PLEKHG4B: variants seen among roughly 807,000 people sequenced by gnomAD.
PLEKHG4B encodes the protein pleckstrin homology and RhoGEF domain containing G4B.
Under a neutral mutation model 121.3 loss-of-function variants are expected in PLEKHG4B, and 111 were observed. The observed-to-expected ratio is 0.92, with a 90% CI of 0.78 to 1.07. PLEKHG4B has a LOEUF of 1.07. PLEKHG4B is among the 50% of genes least tolerant of loss of function. PLEKHG4B has a pLI of 0.00. For synonymous variants in PLEKHG4B, 738 were observed against 725.0 expected, an observed-to-expected ratio of 1.02 and a Z score of -0.29; for missense variants, 1,831 against 1,757.8, an observed-to-expected ratio of 1.04 and a Z score of -0.74.
intron 16 of PLEKHG4B, 79 bp from the exon 17 acceptor site, chr5:172,817 AT>A: frequency 6.6e-7 from 1 of 1,506,762 alleles, no homozygotes; most frequent in Non-Finnish European, 9.2e-7. Context: ...AAGCTAACAC[AT>A]TTAGACGGAG....
Position 139,885 on chromosome 5 carries a change from G to A in PLEKHG4B, c.646G>A (p.Gly216Ser). 1 of 402,204 alleles carries A rather than the reference G, an allele frequency of 2.5e-6. No individual in the cohort carries two copies. The highest frequency in any genetic ancestry group is 4.4e-6 in the Non-Finnish European group (1 of 228,274). The allele number at this position is 402,204 out of a possible 1,614,324, so 24.9% of individuals were successfully genotyped here. Residue 216 changes from glycine (G) to serine (S), a missense_variant, in exon 3 of 20, where the codon GGT (glycine) becomes AGT (serine). Transcript: ENST00000637938. This position sits in a 1 kb window ranked among gnomAD's most constrained non-coding sequence, Gnocchi z 5.0. The stretch of plus-strand genomic sequence containing the variant: ...CCTGCAGAGCTACTCCAGCTGCACA[G>A]GTCCTGAGCGGCTGCCCAGCAGCCC... Reference protein sequence around the residue: ...AILQSYSSCTGPERLPSSPSE... With the variant: ...AILQSYSSCTSPERLPSSPSE...
Position 163,004 on chromosome 5 carries a change from G to A in PLEKHG4B, c.2932G>A (p.Glu978Lys), listed in dbSNP as rs1736083061. 5 of 1,565,954 alleles carry A rather than the reference G, an allele frequency of 3.2e-6. No homozygotes were observed. The highest frequency in any genetic ancestry group is 1.2e-5 in the South Asian group (1 of 85,360). The change falls in exon 13 of 20, where the codon GAG becomes AAG. Residue 978 changes from glutamate (E) to lysine (K), a missense_variant. Coordinates refer to ENST00000637938, the MANE Select transcript of PLEKHG4B (RefSeq NM_052909.5). ...CCTTGCCCAGAGCCCCCCAAAGCAT[G>A]AGCGTGCCCAGGAGGCCATGAGGAG... ...PPLAQSPPKHERAQEAMRRHQ... is the reference protein window; with the variant it reads ...PPLAQSPPKHKRAQEAMRRHQ...
intron 19 of PLEKHG4B, 121 bp downstream of exon 19, chr5:181,796 C>T (rs1245334432): frequency 2.1e-5 from 30 of 1,403,796 alleles, no homozygotes; most frequent in East Asian, 9.3e-5. Flanking sequence ...CCAGGCCTGT[C>T]GTCAAGGACA....
At chr5:142,384 CAG>C (rs1735237382) in intron 3 of PLEKHG4B, among the ~76,000 whole-genome samples, 1 of 151,720 alleles carries the variant, frequency 6.6e-6, no homozygotes, top group South Asian at 2.1e-4. Context: ...GACACGCACA[CAG>C]AATCACACAA....
chr5:95,810 G>A (rs1733613557), intron 1 of PLEKHG4B, among the ~76,000 whole-genome samples: 1 of 152,070 alleles, frequency 6.6e-6, no homozygotes, highest in South Asian at 2.1e-4. Context: ...TAGTGGAGGG[G>A]ACCACCAACC....
chr5:164,661 C>T lies in PLEKHG4B; in HGVS notation c.3476+1113C>T, dbSNP rs1423594087. Reference sequence around the variant, plus strand: ...CACACTAATGCTCTGACGGGCGGAGCTCACACTAATACTCTGACAGGGGGC... The same window carrying T: ...CACACTAATGCTCTGACGGGCGGAGTTCACACTAATACTCTGACAGGGGGC... On this transcript the variant is annotated intron_variant, in intron 13 of 19. Transcript: ENST00000637938. 2.5e-5 allele frequency among the ~76,000 whole-genome samples: 3 copies of T among 118,164 alleles called. 1 individual carries two copies. Among genetic ancestry groups the T allele is most frequent in the Non-Finnish European group, 5.5e-5 (3 of 54,676 alleles). 77.5% of individuals were successfully genotyped at this position (118,164 alleles called of 152,430 possible).
chr5:155,004 T>G lies in PLEKHG4B; in HGVS notation c.2109+13T>G, dbSNP rs1309544464. On this transcript the variant is annotated intron_variant, in intron 8 of 19. Coordinates refer to ENST00000637938, the MANE Select transcript of PLEKHG4B (RefSeq NM_052909.5). ...CTGCTTCCGTCAGGTAGGTTCAGCC[T>G]GCAGCTGCTGCACATGCGACAGTCT... is the stretch of plus-strand genomic sequence containing the variant. 1 of 1,592,014 alleles carries G rather than the reference T, an allele frequency of 6.3e-7. No homozygotes were observed. The highest frequency in any genetic ancestry group is 8.6e-7 in the Non-Finnish European group (1 of 1,162,564).
chr5:116,962 G>A (rs1049681531), intron 2 of PLEKHG4B, among the ~76,000 whole-genome samples: 1 of 152,200 alleles, frequency 6.6e-6, no homozygotes, highest in African/African-American at 2.4e-5. Context: ...GAGCCCCACT[G>A]CTTTCGCTGC....
At chr5:167,348 G>A (rs908582001) in intron 13 of PLEKHG4B, among the ~76,000 whole-genome samples, 22 of 152,256 alleles carry the variant, frequency 1.4e-4, no homozygotes, top group African/African-American at 5.1e-4. Context: ...TGGGATGTGC[G>A]TTCAGCAGCA....
rs754722765 is a variant in PLEKHG4B at position 163,564 on chromosome 5, C to T, written c.3476+16C>T. 149 of 1,545,536 alleles carry T rather than the reference C, an allele frequency of 9.6e-5. No individual in the cohort carries two copies. The Middle Eastern group carries it at 1.3e-3, about 13-fold the overall frequency. On this transcript the variant is annotated intron_variant, in intron 13 of 19. Coordinates refer to ENST00000637938, the MANE Select transcript of PLEKHG4B (RefSeq NM_052909.5). The stretch of plus-strand genomic sequence containing the variant: ...AGGTGGGCAGGTGAGGTGGACGTCC[C>T]CCTCCTCTCGTCCTAGCAGTCCTTG...
At chr5:102,565 C>T (rs1293677150) in intron 1 of PLEKHG4B, among the ~76,000 whole-genome samples, 1 of 152,168 alleles carries the variant, frequency 6.6e-6, no homozygotes. Flanking sequence ...CCGTCTCTGC[C>T]CGTGCTTCCG....
rs1418715841 is a variant in PLEKHG4B, at chr5:163,206, G to T, written c.3134G>T (p.Gly1045Val). ...CTGTCCCTCCTCAGGGGCCTTCCAG[G>T]GGCAGGGGCCACCACGGCCCACCTG... ...DPLSLLRGLP[G>V]AGATTAHLED... The change falls in exon 13 of 20, where the codon GGG becomes GTG. Residue 1045 changes from glycine (G) to valine (V), a missense_variant. Transcript: ENST00000637938. 6.3e-7 allele frequency: 1 copy of T among 1,592,784 alleles called. No homozygotes were observed. Among genetic ancestry groups the T allele is most frequent in the Admixed American group, 1.7e-5 (1 of 58,196 alleles).
chr5:107,440 C>G (rs564883330), intron 1 of PLEKHG4B, among the ~76,000 whole-genome samples: 1 of 152,302 alleles, frequency 6.6e-6, no homozygotes, highest in Non-Finnish European at 1.5e-5. Context: ...CAGCCCTGGC[C>G]TTCCTAGGAG....
chr5:156,950 C>T lies in PLEKHG4B; in HGVS notation c.2487+39C>T. On this transcript the variant is annotated intron_variant, in intron 11 of 19. Coordinates refer to ENST00000637938, the MANE Select transcript of PLEKHG4B (RefSeq NM_052909.5). The surrounding 1 kb of genome is among the most constrained non-coding windows in gnomAD (Gnocchi z 4.4). Reference sequence around the variant, plus strand: ...GAGGAAGGCGGCCCGGTCAGCATCCCCTCCAGGCCAGGCTGGCCAAGGCAA... The same window carrying T: ...GAGGAAGGCGGCCCGGTCAGCATCCTCTCCAGGCCAGGCTGGCCAAGGCAA... 1 of 1,605,464 alleles carries T rather than the reference C, an allele frequency of 6.2e-7. No individual in the cohort carries two copies. Among genetic ancestry groups the T allele is most frequent in the African/African-American group, 1.3e-5 (1 of 74,892 alleles).
At chr5:162,307 G>A (rs947239407) in intron 12 of PLEKHG4B, among the ~76,000 whole-genome samples, 12 of 150,716 alleles carry the variant, frequency 8.0e-5, no homozygotes, top group South Asian at 2.1e-4. Context: ...GCTCCCCCGC[G>A]CCGGGGACTG....
intron 1 of PLEKHG4B, among the ~76,000 whole-genome samples, chr5:105,276 C>G (rs1049746316): frequency 4.6e-5 from 7 of 152,216 alleles, no homozygotes. Context: ...GGCTGGGGGC[C>G]CTGCTCAGAA....
At position 154,892 on chromosome 5, in the gene PLEKHG4B, C is replaced by T; in HGVS notation, c.2010C>T (p.Ser670=). 6.2e-7 allele frequency: 1 copy of T among 1,613,834 alleles called. No homozygotes were observed. ...CTTGGCAGTGTGAGGTCGTGAGCTCCCTGAAGGCCGTGCACAAATTTGTTG... is the reference window on the plus strand; with the variant it reads ...CTTGGCAGTGTGAGGTCGTGAGCTCTCTGAAGGCCGTGCACAAATTTGTTG... ...DAIIQCEVVS[S]LKAVHKFVDS... is the part of the protein sequence containing the mutation. Residue 670 remains serine (S), a synonymous_variant, in exon 8 of 20, where the codon TCC becomes TCT. Transcript: ENST00000637938.
In PLEKHG4B at chr5:113,353, G is replaced by T. The variant is rs1734213584; in HGVS notation, c.148G>T (p.Ala50Ser). Residue 50 changes from alanine to serine, a missense_variant, in exon 2 of 20, where the codon GCC becomes TCC. Physicochemically the swap from Ala to Ser is moderately conservative, Grantham distance 99. Transcript: ENST00000637938. This position sits in a 1 kb window ranked among gnomAD's most constrained non-coding sequence, Gnocchi z 5.2. ...ATVLWQLFSV[A>S]ERCHGGDGLH... The stretch of plus-strand genomic sequence containing the variant: ...GGTGCTCTGGCAGCTGTTCAGCGTG[G>T]CCGAGAGGTGCCACGGTGGGGACGG... 2.5e-6 allele frequency: 1 copy of T among 399,152 alleles called. No individual in the cohort carries two copies. 24.7% of individuals were successfully genotyped at this position (399,152 alleles called of 1,614,324 possible).
rs1733508328 is a variant in PLEKHG4B, at chr5:183,787, C to T, written c.*1464C>T. On this transcript the variant is annotated 3_prime_UTR_variant, in exon 20 of 20. Coordinates refer to ENST00000637938, the MANE Select transcript of PLEKHG4B (RefSeq NM_052909.5). Reference sequence around the variant, plus strand: ...ATGGAAGAGATTCAGAAGACCCAGACCGACCTTACAGGGATGAGAAACTAC... The same window carrying T: ...ATGGAAGAGATTCAGAAGACCCAGATCGACCTTACAGGGATGAGAAACTAC... The T allele has an allele frequency of 6.6e-6, 1 of 152,086 alleles. No homozygotes were observed. Among genetic ancestry groups the T allele is most frequent in the Non-Finnish European group, 1.5e-5 (1 of 68,038 alleles). 9.4% of individuals were successfully genotyped at this position (152,086 alleles called of 1,614,324 possible).
Sources: gnomAD v4.1 joint callset for allele counts (sites outside exome capture counted in the v4.1 genomes callset) on GRCh38, gnomAD v4.1.1 for gene constraint, Gnocchi (gnomAD v3.1) non-coding constraint, MANE v1.5 for transcripts, NCBI Gene and HGNC (gene_info 2026-07-23, HGNC 2026-07-21) for gene names.